The following DYNAP variants were observed in gnomAD, a reference collection of about 807,000 sequenced individuals.
The protein encoded by DYNAP is dynactin-associated protein.
A neutral mutation model predicts 8.5 loss-of-function variants in DYNAP; 7 were observed. The ratio of observed to expected loss-of-function variants is 0.82; its 90% confidence interval spans 0.47 to 1.54. The LOEUF (loss-of-function observed/expected upper bound fraction) is 1.54. DYNAP is among the 40% of genes most tolerant of loss of function. The pLI is 0.01. For missense variants in DYNAP, 256 were observed against 224.3 expected (o/e 1.14, Z -0.90); for synonymous variants, 77 against 77.9 (o/e 0.99, Z 0.06).
intron 2 of DYNAP, 124 bp from the exon 3 acceptor site, chr18:54,597,689 A>G: frequency 2.0e-6 from 2 of 981,994 alleles, no homozygotes; most frequent in East Asian, 2.6e-5. Context: ...CTTCAAGCCC[A>G]TCTTTCAGAG....
the DYNAP span, among the ~76,000 whole-genome samples, chr18:54,581,334 G>C: frequency 1.3e-5 from 2 of 152,154 alleles, no homozygotes; most frequent in African/African-American, 4.8e-5. Flanking sequence ...AAGAAATAAC[G>C]ATGCAAGATA....
In DYNAP at chr18:54,593,350, A is replaced by G. The variant is rs147743377; in HGVS notation, c.58-1589A>G. Among the ~76,000 whole-genome samples the G allele has an allele frequency of 2.2e-3, 331 of 152,236 alleles. 2 individuals are homozygous for G. The highest frequency in any genetic ancestry group is 7.4e-3 in the African/African-American group (308 of 41,556). Reference sequence around the variant, plus strand: ...GGGTTATTAAATCAACACAAAGACAACTAGTGGCAGTAGCGGTAGTAATTA... The same window carrying G: ...GGGTTATTAAATCAACACAAAGACAGCTAGTGGCAGTAGCGGTAGTAATTA... On this transcript the variant is annotated intron_variant, in intron 1 of 2. Coordinates refer to ENST00000648945, the MANE Select transcript of DYNAP (RefSeq NM_173629.3).
Position 54,595,018 on chromosome 18 carries a change from T to C in DYNAP, c.137T>C (p.Val46Ala), listed in dbSNP as rs762611259. Reference sequence around the variant, plus strand: ...CCTTCAAATGATATAACCAGTGATGTCTCTCCCAACTTAACTGGGGTCTGC... The same window carrying C: ...CCTTCAAATGATATAACCAGTGATGCCTCTCCCAACTTAACTGGGGTCTGC... ...CLPSNDITSDVSPNLTGVCVN... is the reference protein window; with the variant it reads ...CLPSNDITSDASPNLTGVCVN... The change falls in exon 2 of 3, where the codon GTC (valine) becomes GCC (alanine). Residue 46 changes from valine to alanine, a missense_variant. Transcript: ENST00000648945. The C allele has an allele frequency of 6.2e-7, 1 of 1,612,910 alleles. No homozygotes were observed. Among genetic ancestry groups the C allele is most frequent in the Admixed American group, 1.7e-5 (1 of 59,920 alleles).
chr18:54,590,470 G>T (rs1337977178), upstream of DYNAP, among the ~76,000 whole-genome samples: 2 of 152,026 alleles, frequency 1.3e-5, no homozygotes, highest in Admixed American at 6.6e-5. Flanking sequence ...ATTTATAAGA[G>T]AAATTTCAAA....
intron 2 of DYNAP, among the ~76,000 whole-genome samples, chr18:54,596,973 A>G (rs1911319490): frequency 6.6e-6 from 1 of 152,042 alleles, no homozygotes; most frequent in Non-Finnish European, 1.5e-5. Flanking sequence ...ACCATGGCAC[A>G]TATTTTGTAA....
At chr18:54,587,282 T>C (rs931224187), upstream of DYNAP, among the ~76,000 whole-genome samples, 2 of 152,154 alleles carry the variant, frequency 1.3e-5, no homozygotes, top group Non-Finnish European at 1.5e-5. Context: ...ATGAGTGTGA[T>C]AGCGCACAAC....
chr18:54,588,482 G>A (rs768472425), upstream of DYNAP, among the ~76,000 whole-genome samples: 2 of 152,072 alleles, frequency 1.3e-5, no homozygotes, highest in Non-Finnish European at 2.9e-5. Flanking sequence ...TGGGATTACA[G>A]GTGTGAGCCA....
At chr18:54,584,301 A>C (rs1044599189), upstream of DYNAP, among the ~76,000 whole-genome samples, 4 of 148,582 alleles carry the variant, frequency 2.7e-5, no homozygotes, top group Admixed American at 6.7e-5. Context: ...AATTAATATA[A>C]ATATTTAATA....
At chr18:54,597,596 G>C (rs1407824624) in intron 2 of DYNAP, among the ~76,000 whole-genome samples, 1 of 152,066 alleles carries the variant, frequency 6.6e-6, no homozygotes, top group African/African-American at 2.4e-5. Context: ...AATAGAATAA[G>C]AGAAGATGAG....
intron 1 of DYNAP, 86 bp from the exon 2 acceptor site, chr18:54,594,852 AG>A: frequency 7.1e-7 from 1 of 1,398,732 alleles, no homozygotes; most frequent in Non-Finnish European, 9.7e-7. Context: ...TCATACTCTT[AG>A]GTACTTTTGA....
the DYNAP span, among the ~76,000 whole-genome samples, chr18:54,581,414 G>C: frequency 1.3e-5 from 2 of 152,308 alleles, no homozygotes; most frequent in South Asian, 4.1e-4. Flanking sequence ...AATTGATTTT[G>C]ATATTGCTTG....
intron 1 of DYNAP, among the ~76,000 whole-genome samples, chr18:54,594,044 C>A (rs901420062): frequency 1.3e-5 from 2 of 152,138 alleles, no homozygotes; most frequent in African/African-American, 4.8e-5. Flanking sequence ...TTTTAACACA[C>A]CCCTTCCCTA....
At chr18:54,593,248 T>C (rs1244710284) in intron 1 of DYNAP, among the ~76,000 whole-genome samples, 1 of 152,148 alleles carries the variant, frequency 6.6e-6, no homozygotes, top group Non-Finnish European at 1.5e-5. Flanking sequence ...GGTCAATGAT[T>C]ATGTATCATT....
At chr18:54,587,351 T>C (rs1210463505), upstream of DYNAP, among the ~76,000 whole-genome samples, 1 of 152,150 alleles carries the variant, frequency 6.6e-6, no homozygotes, top group Non-Finnish European at 1.5e-5. Flanking sequence ...CAGGAGTTCA[T>C]GTCCAGCCTG....
At chr18:54,594,837 A>T in intron 1 of DYNAP, 102 bp from the exon 2 acceptor site, 1 of 1,289,840 alleles carries the variant, frequency 7.8e-7, no homozygotes, top group Non-Finnish European at 1.1e-6. Context: ...TATTCCTTTT[A>T]AAAGTCATAC....
chr18:54,593,757 G>A (rs1019893269), intron 1 of DYNAP, among the ~76,000 whole-genome samples: 4 of 151,940 alleles, frequency 2.6e-5, no homozygotes, highest in Non-Finnish European at 4.4e-5. Context: ...AGACCCCATC[G>A]CTATGAAAAA....
intron 2 of DYNAP, among the ~76,000 whole-genome samples, chr18:54,595,680 G>A (rs2095123605): frequency 6.6e-6 from 1 of 152,058 alleles, no homozygotes; most frequent in South Asian, 2.1e-4. Context: ...CTTGGTTCCT[G>A]ACCTCATGTC....
chr18:54,590,268 T>C (rs1831977382), upstream of DYNAP, among the ~76,000 whole-genome samples: 1 of 152,200 alleles, frequency 6.6e-6, no homozygotes, highest in African/African-American at 2.4e-5. Flanking sequence ...ACAGTATTTG[T>C]CTTTTTTGTG....
At chr18:54,588,014 A>G (rs1242325845), upstream of DYNAP, 3 of 391,868 alleles carry the variant, frequency 7.7e-6, no homozygotes, top group Non-Finnish European at 1.3e-5. Context: ...CTAAAAGAGA[A>G]CATTCTCTTT....
Sources: allele counts gnomAD v4.1 joint callset (sites outside exome capture counted in the v4.1 genomes callset), GRCh38; gene constraint gnomAD v4.1.1; transcripts MANE v1.5; gene names NCBI Gene and HGNC (gene_info 2026-07-23, HGNC 2026-07-21).